RALGAPA1: variants seen among roughly 807,000 people sequenced by gnomAD.
RALGAPA1 encodes Ral GTPase activating protein catalytic subunit alpha 1.
In RALGAPA1, 52 loss-of-function variants were observed where a neutral mutation model predicts 269.6. The ratio of observed to expected loss-of-function variants is 0.19; its 90% CI spans 0.15 to 0.24. The LOEUF is 0.24. RALGAPA1 is among the 10% of genes least tolerant of loss of function. RALGAPA1 has a pLI of 1.00. For synonymous variants in RALGAPA1, 817 were observed against 1,008.3 expected (o/e 0.81, Z 3.60); for missense variants, 1,917 against 3,013.9 (o/e 0.64, Z 8.52).
intron 1 of RALGAPA1, among the ~76,000 whole-genome samples, chr14:35,806,621 T>C (rs2077401986): frequency 6.6e-6 from 1 of 152,140 alleles, no homozygotes; most frequent in African/African-American, 2.4e-5. Context: ...AATCCTCCCA[T>C]AAGTACCCTG....
chr14:35,753,449 C>T (rs938993415), intron 7 of RALGAPA1, among the ~76,000 whole-genome samples: 4 of 152,070 alleles, frequency 2.6e-5, no homozygotes, highest in African/African-American at 4.8e-5. Context: ...AAATACTCAT[C>T]GGCTGATGAA....
chr14:35,695,736 ATTCCTTTTTTCAC>A (rs1470773054), intron 17 of RALGAPA1, among the ~76,000 whole-genome samples: 1 of 152,204 alleles, frequency 6.6e-6, no homozygotes, highest in East Asian at 1.9e-4. Context: ...ATACTTTTAT[ATTCCTTTTTTCAC>A]TAAAGTGTTA....
chr14:35,696,256 A>C (rs1406855189), intron 17 of RALGAPA1, among the ~76,000 whole-genome samples: 4 of 152,156 alleles, frequency 2.6e-5, no homozygotes, highest in Admixed American at 1.3e-4. Context: ...CTACAAAAAA[A>C]TAAAAAAATT....
At chr14:35,653,299 T>C (rs1335737113) in intron 30 of RALGAPA1, among the ~76,000 whole-genome samples, 2 of 152,220 alleles carry the variant, frequency 1.3e-5, no homozygotes, top group African/African-American at 4.8e-5. Context: ...GTTTAATAAA[T>C]ATTAGTTCCC....
At chr14:35,797,401 A>G (rs2141872796) in intron 1 of RALGAPA1, among the ~76,000 whole-genome samples, 1 of 148,864 alleles carries the variant, frequency 6.7e-6, no homozygotes, top group East Asian at 2.1e-4. Flanking sequence ...CAGACAAACA[A>G]AAGCATAAAG....
chr14:35,620,409 T>C (rs889075795), intron 35 of RALGAPA1, among the ~76,000 whole-genome samples: 1 of 152,152 alleles, frequency 6.6e-6, no homozygotes, highest in Non-Finnish European at 1.5e-5. Flanking sequence ...AATATCATAC[T>C]GAATGGGCAA....
intron 35 of RALGAPA1, among the ~76,000 whole-genome samples, chr14:35,606,067 C>T (rs919620986): frequency 6.6e-6 from 1 of 152,066 alleles, no homozygotes; most frequent in East Asian, 1.9e-4. Flanking sequence ...GCAATGTAGC[C>T]GAATCCCATG....
At chr14:35,765,535 C>A (rs917641780) in intron 4 of RALGAPA1, among the ~76,000 whole-genome samples, 2 of 152,222 alleles carry the variant, frequency 1.3e-5, no homozygotes, top group Non-Finnish European at 1.5e-5. Context: ...GGTTCTTGCT[C>A]TGTCACCCAG....
chr14:35,565,238 T>C (rs2056594531), intron 39 of RALGAPA1, among the ~76,000 whole-genome samples: 1 of 151,340 alleles, frequency 6.6e-6, no homozygotes, highest in Non-Finnish European at 1.5e-5. Flanking sequence ...AAACAGGATA[T>C]GTTGGTTAAT....
intron 22 of RALGAPA1, 93 bp downstream of exon 22, chr14:35,677,857 C>A: frequency 8.5e-7 from 1 of 1,179,906 alleles, no homozygotes; most frequent in Non-Finnish European, 1.2e-6. Flanking sequence ...TTACAATAAT[C>A]ATATATAATC....
chr14:35,784,905 A>G (rs186764767), intron 1 of RALGAPA1, among the ~76,000 whole-genome samples: 9 of 152,316 alleles, frequency 5.9e-5, no homozygotes, highest in Admixed American at 1.3e-4. Flanking sequence ...ACTACTGGTC[A>G]TGCATGGTGG....
chr14:35,788,048 T>C (rs907512141), intron 1 of RALGAPA1, among the ~76,000 whole-genome samples: 5 of 152,166 alleles, frequency 3.3e-5, no homozygotes, highest in African/African-American at 9.7e-5. Flanking sequence ...CTCAGCTCAC[T>C]GCAACTTCTG....
intron 24 of RALGAPA1, among the ~76,000 whole-genome samples, chr14:35,673,917 C>T (rs1295592843): frequency 3.3e-5 from 5 of 152,156 alleles, no homozygotes; most frequent in Admixed American, 2.6e-4. Flanking sequence ...TGTGATACAA[C>T]TCAAAGTTTA....
intron 37 of RALGAPA1, among the ~76,000 whole-genome samples, chr14:35,594,885 A>C (rs2058838801): frequency 6.6e-6 from 1 of 152,118 alleles, no homozygotes; most frequent in Admixed American, 6.6e-5. Context: ...ACAATAACCA[A>C]GATATGCAAA....
chr14:35,576,700 G>T (rs1448709032), intron 37 of RALGAPA1, among the ~76,000 whole-genome samples: 2 of 152,124 alleles, frequency 1.3e-5, no homozygotes, highest in African/African-American at 4.8e-5. Flanking sequence ...ACACTATGAA[G>T]TAGTAATAAT....
At chr14:35,739,175 G>C (rs1272293700) in intron 11 of RALGAPA1, among the ~76,000 whole-genome samples, 1 of 152,104 alleles carries the variant, frequency 6.6e-6, no homozygotes, top group African/African-American at 2.4e-5. Flanking sequence ...TACAGACAAG[G>C]GAGTTCCCTC....
chr14:35,551,502 A>G (rs1336984029), intron 39 of RALGAPA1, among the ~76,000 whole-genome samples: 1 of 152,150 alleles, frequency 6.6e-6, no homozygotes, highest in Non-Finnish European at 1.5e-5. Context: ...AATGGGTAAA[A>G]TGCTTCATGA....
chr14:35,772,241 A>C (rs1395174280), intron 3 of RALGAPA1, among the ~76,000 whole-genome samples: 1 of 151,950 alleles, frequency 6.6e-6, no homozygotes, highest in Non-Finnish European at 1.5e-5. Context: ...ATTTTTGTGG[A>C]GATGGAGTAT....
rs539919956 is a variant in RALGAPA1 at position 35,792,910 on chromosome 14, G to A, written c.106+15820C>T. Reference sequence around the variant, plus strand: ...AAAAAAAAAAAAAAGACCTGCATAGGGAGATCAACTAGTAAGCTGCTGCAA... The same window carrying A: ...AAAAAAAAAAAAAAGACCTGCATAGAGAGATCAACTAGTAAGCTGCTGCAA... On this transcript the variant is annotated intron_variant, in intron 1 of 41. Coordinates refer to ENST00000680220, the MANE Select transcript of RALGAPA1 (RefSeq NM_001346249.2). 6.3e-4 allele frequency among the ~76,000 whole-genome samples: 93 copies of A among 148,568 alleles called. 2 individuals are homozygous for A. In the South Asian group the frequency reaches 0.019, roughly 31 times the overall value.
Sources: allele counts gnomAD v4.1 joint callset (sites outside exome capture counted in the v4.1 genomes callset), GRCh38; gene constraint gnomAD v4.1.1; transcripts MANE v1.5; gene names NCBI Gene and HGNC (gene_info 2026-07-23, HGNC 2026-07-21).